The following TMEM185A variants were observed in gnomAD, a reference collection of about 807,000 sequenced individuals.
The protein encoded by TMEM185A is transmembrane protein 185A.
Under a neutral mutation model 25.0 loss-of-function variants are expected in TMEM185A, and 9 were observed. The observed-to-expected ratio is 0.36, with a 90% confidence interval of 0.22 to 0.63. The LOEUF (loss-of-function observed/expected upper bound fraction) is 0.63. TMEM185A is among the 20% of genes least tolerant of loss of function. The pLI is 0.68. For missense variants in TMEM185A, 103 were observed against 237.4 expected, an observed-to-expected ratio of 0.43 and a Z score of 3.72; for synonymous variants, 45 against 93.5, an observed-to-expected ratio of 0.48 and a Z score of 2.99.
At chrX:149,598,758 G>C (rs1175761532) in intron 6 of TMEM185A, among the ~76,000 whole-genome samples, 1 of 81,564 alleles carries the variant, frequency 1.2e-5, no homozygotes, top group African/African-American at 7.5e-5. Context: ...CCGTGAGGGC[G>C]GTAGTCATGC....
rs2090193943 is a variant in TMEM185A at position 149,631,661 on chromosome X, T to C, written c.-81A>G. 3 of 973,299 alleles carry C rather than the reference T, an allele frequency of 3.1e-6. No homozygotes were observed. The highest frequency in any genetic ancestry group is 2.0e-5 in the African/African-American group (1 of 50,223). 80.2% of individuals were successfully genotyped at this position (973,299 alleles called of 1,213,427 possible). On this transcript the variant is annotated 5_prime_UTR_variant, in exon 1 of 7. An upstream start codon of the reference 5' UTR is lost. Transcript: ENST00000600449. Reference sequence around the variant, plus strand: ...CAGCCTGCGCCTTACAGCGGGTTCATGGCGCCAGCGCCAGCCGCGTCCACG... The same window carrying C: ...CAGCCTGCGCCTTACAGCGGGTTCACGGCGCCAGCGCCAGCCGCGTCCACG...
At chrX:149,603,642 G>A in intron 4 of TMEM185A, 1 of 144,554 alleles carries the variant, frequency 6.9e-6, no homozygotes. Context: ...CCATATTTTA[G>A]AAATAAGAGG....
At chrX:149,618,364 C>T (rs1184645051) in intron 1 of TMEM185A, among the ~76,000 whole-genome samples, 1 of 111,068 alleles carries the variant, frequency 9.0e-6, no homozygotes, top group African/African-American at 3.3e-5. Context: ...TGGAAGCAAG[C>T]CTCCCAGAGA....
At chrX:149,603,847 T>C (rs1172952949) in intron 4 of TMEM185A, 140 bp downstream of exon 4, 1 of 438,931 alleles carries the variant, frequency 2.3e-6, no homozygotes, top group Admixed American at 4.5e-5. Context: ...ACTAACCATG[T>C]TATCTCCCCA....
At chrX:149,615,795 G>C (rs1270516487) in intron 1 of TMEM185A, among the ~76,000 whole-genome samples, 1 of 111,700 alleles carries the variant, frequency 9.0e-6, no homozygotes, top group Non-Finnish European at 1.9e-5. Flanking sequence ...AAACACTTAG[G>C]GATAAATGTA....
At chrX:149,618,689 G>A (rs192684858) in intron 1 of TMEM185A, among the ~76,000 whole-genome samples, 8 of 111,321 alleles carry the variant, frequency 7.2e-5, no homozygotes, top group South Asian at 3.8e-4. Flanking sequence ...TAATATTTAC[G>A]ATACAGTTGT....
chrX:149,615,968 T>G (rs1248736868), intron 1 of TMEM185A, among the ~76,000 whole-genome samples: 1 of 111,681 alleles, frequency 9.0e-6, no homozygotes, highest in Non-Finnish European at 1.9e-5. Context: ...GCCTTCTGGG[T>G]GGCAGATGGC....
intron 1 of TMEM185A, among the ~76,000 whole-genome samples, chrX:149,619,488 G>T (rs782345549): frequency 9.2e-5 from 10 of 108,946 alleles, no homozygotes; most frequent in South Asian, 4.0e-4. Context: ...TAGTATTTTT[G>T]TCTTTTTTTT....
chrX:149,616,015 T>C (rs2090108474), intron 1 of TMEM185A, among the ~76,000 whole-genome samples: 1 of 111,129 alleles, frequency 9.0e-6, no homozygotes, highest in South Asian at 3.8e-4. Flanking sequence ...GAAAAGAGAG[T>C]GAGTTAGCTC....
At chrX:149,617,356 C>T (rs782469612) in intron 1 of TMEM185A, among the ~76,000 whole-genome samples, 99 of 111,603 alleles carry the variant, frequency 8.9e-4, no homozygotes, top group Non-Finnish European at 1.6e-3. Flanking sequence ...ACAAAGTAAC[C>T]TGTATCCAGT....
At chrX:149,607,177 A>C in intron 3 of TMEM185A, among the ~76,000 whole-genome samples, 1 of 111,349 alleles carries the variant, frequency 9.0e-6, no homozygotes, top group East Asian at 2.8e-4. Context: ...CTCTGTCTAC[A>C]TACCTTCCCC....
Position 149,604,052 on chromosome X carries a change from C to G in TMEM185A, c.442G>C (p.Val148Leu). The G allele has an allele frequency of 8.3e-7, 1 of 1,201,388 alleles. No individual in the cohort carries two copies. Among genetic ancestry groups the G allele is most frequent in the Non-Finnish European group, 1.1e-6 (1 of 887,024 alleles). ...ATGAATATAAACTGGAGAATGTTGA[C>G]AGAACACAGGATTTCTAACTAAAAA... ...RSLELEILCS[V>L]NILQFIFIAL... Residue 148 changes from valine to leucine, a missense_variant, in exon 4 of 7, where the codon GTC (valine) becomes CTC (leucine). By Grantham distance (32) the Val-to-Leu change is conservative. Coordinates refer to ENST00000600449, the MANE Select transcript of TMEM185A (RefSeq NM_032508.4).
chrX:149,608,967 C>T, intron 2 of TMEM185A, 133 bp from the exon 3 acceptor site: 1 of 575,095 alleles, frequency 1.7e-6, no homozygotes, highest in Non-Finnish European at 2.7e-6. Context: ...AAAGGGAAAT[C>T]AGGTAGAAAG....
At chrX:149,620,038 G>A (rs1449895123) in intron 1 of TMEM185A, among the ~76,000 whole-genome samples, 1 of 111,469 alleles carries the variant, frequency 9.0e-6, no homozygotes, top group Non-Finnish European at 1.9e-5. Flanking sequence ...CACTGTTGGT[G>A]GGACTGTAAA....
At chrX:149,611,525 G>C (rs2090083567) in intron 1 of TMEM185A, 62 bp from the exon 2 acceptor site, 10 of 1,047,980 alleles carry the variant, frequency 9.5e-6, no homozygotes, top group South Asian at 2.4e-5. Flanking sequence ...TACTGAAATG[G>C]GGAGTAATAA....
intron 1 of TMEM185A, among the ~76,000 whole-genome samples, chrX:149,624,561 G>A (rs2090154616): frequency 9.0e-6 from 1 of 111,129 alleles, no homozygotes; most frequent in South Asian, 3.8e-4. Context: ...ACGTACACAC[G>A]CACAAGCACA....
In TMEM185A at chrX:149,597,223, G is replaced by GGT; in HGVS notation, c.*787_*788insAC. On this transcript the variant is annotated 3_prime_UTR_variant, in exon 7 of 7. Transcript: ENST00000600449. ...CCCATGAAGGCGTGGCACCCCACGG[G>GGT]GGGGGGGGGAGTGTGCCACGGGCGT... The GGT allele has an allele frequency of 1.3e-5, 1 of 78,637 alleles. No homozygotes were observed. The highest frequency in any genetic ancestry group is 2.8e-5 in the Non-Finnish European group (1 of 36,003). 6.5% of individuals were successfully genotyped at this position (78,637 alleles called of 1,213,427 possible).
At chrX:149,626,666 C>T (rs1241011607) in intron 1 of TMEM185A, among the ~76,000 whole-genome samples, 1 of 112,476 alleles carries the variant, frequency 8.9e-6, no homozygotes, top group Non-Finnish European at 1.9e-5. Context: ...CCCGCACCAG[C>T]GCTAGCCTCT....
At chrX:149,609,190 T>TA (rs782100908) in intron 2 of TMEM185A, among the ~76,000 whole-genome samples, 2 of 112,656 alleles carry the variant, frequency 1.8e-5, no homozygotes, top group East Asian at 5.6e-4. Context: ...CTTCCAAGAT[T>TA]ATTCAAGCTG....
Sources: allele counts gnomAD v4.1 joint callset (sites outside exome capture counted in the v4.1 genomes callset), GRCh38; gene constraint gnomAD v4.1.1; transcripts MANE v1.5; gene names NCBI Gene and HGNC (gene_info 2026-07-23, HGNC 2026-07-21).